ZFHX3: variants seen among roughly 807,000 people sequenced by gnomAD.
ZFHX3 encodes zinc finger homeobox 3.
Under a neutral mutation model 279.1 loss-of-function variants are expected in ZFHX3, and 42 were observed. The observed-to-expected ratio is 0.15, with a 90% CI of 0.12 to 0.19. The LOEUF is 0.19. ZFHX3 is among the 10% of genes least tolerant of loss of function. ZFHX3 has a pLI of 1.00. For missense variants in ZFHX3, 4,981 were observed against 4,754.0 expected, an observed-to-expected ratio of 1.05 and a Z score of -1.40; for synonymous variants, 2,293 against 1,957.8, an observed-to-expected ratio of 1.17 and a Z score of -4.52.
At chr16:73,077,696 G>A (rs966165181) in intron 8 of ZFHX3, among the ~76,000 whole-genome samples, 2 of 152,220 alleles carry the variant, frequency 1.3e-5, no homozygotes, top group African/African-American at 4.8e-5. Context: ...AGATTTAGGT[G>A]TTAGATTTAG....
intron 1 of ZFHX3, among the ~76,000 whole-genome samples, chr16:73,794,741 G>A (rs367682790): frequency 1.3e-5 from 2 of 152,200 alleles, no homozygotes; most frequent in Admixed American, 6.5e-5. Context: ...GCAACAGATG[G>A]GAGTCTATAA....
chr16:73,541,484 C>A (rs372693962), intron 2 of ZFHX3, among the ~76,000 whole-genome samples: 1 of 150,610 alleles, frequency 6.6e-6, no homozygotes, highest in African/African-American at 2.4e-5. Context: ...AGACTGGTCT[C>A]AAAAAAATAA....
intron 5 of ZFHX3, among the ~76,000 whole-genome samples, chr16:73,215,407 T>A (rs1163926581): frequency 1.3e-5 from 2 of 152,250 alleles, no homozygotes; most frequent in Non-Finnish European, 2.9e-5. Context: ...GCTGCAGTTT[T>A]GCCAATTCAA....
At chr16:72,978,313 G>A (rs1012877928) in intron 1 of ZFHX3, among the ~76,000 whole-genome samples, 3 of 152,196 alleles carry the variant, frequency 2.0e-5, no homozygotes, top group Admixed American at 2.0e-4. Flanking sequence ...TCACACGCCT[G>A]ATGAGATTAT....
At chr16:73,838,823 A>T (rs900465446) in intron 1 of ZFHX3, among the ~76,000 whole-genome samples, 1 of 151,882 alleles carries the variant, frequency 6.6e-6, no homozygotes, top group Non-Finnish European at 1.5e-5. Context: ...GTGTACCGCT[A>T]GGTCAGGAAT....
At position 73,445,338 on chromosome 16, in the gene ZFHX3, G is replaced by C. The variant is rs1227677950; in HGVS notation, c.-1291+10665C>G. Among the ~76,000 whole-genome samples the C allele has an allele frequency of 3.3e-5, 5 of 151,770 alleles. No individual in the cohort carries two copies. The South Asian group carries it at 8.3e-4, about 25-fold the overall frequency. On this transcript the variant is annotated intron_variant, in intron 3 of 17. Transcript: ENST00000641206. ...TGTATATGTATGGGGGGGAGAGAGA[G>C]AGAGCATCCATGGTTTTCCCAGTTT...
intron 5 of ZFHX3, among the ~76,000 whole-genome samples, chr16:73,237,945 T>C (rs1405173933): frequency 6.6e-6 from 1 of 152,176 alleles, no homozygotes; most frequent in Admixed American, 6.5e-5. Flanking sequence ...CACTCCGCTT[T>C]GCATCTCTAC....
At chr16:73,473,606 G>C (rs752476688) in intron 2 of ZFHX3, among the ~76,000 whole-genome samples, 2 of 152,118 alleles carry the variant, frequency 1.3e-5, no homozygotes, top group African/African-American at 2.4e-5. Context: ...CGTGGAATTG[G>C]GTGGGTTCCT....
intron 3 of ZFHX3, among the ~76,000 whole-genome samples, chr16:73,356,467 T>C (rs967280607): frequency 6.6e-6 from 1 of 152,046 alleles, no homozygotes; most frequent in African/African-American, 2.4e-5. Context: ...TCCAGCTTTG[T>C]CTTCAACTTG....
At chr16:73,554,157 G>A (rs920459721) in intron 2 of ZFHX3, 5 of 152,228 alleles carry the variant, frequency 3.3e-5, no homozygotes, top group South Asian at 2.1e-4. Context: ...CATATGGTGC[G>A]GTGAAATTGC....
intron 2 of ZFHX3, among the ~76,000 whole-genome samples, chr16:73,459,277 C>T (rs1335806322): frequency 6.6e-6 from 1 of 152,186 alleles, no homozygotes; most frequent in Non-Finnish European, 1.5e-5. Context: ...TTTGCCATTT[C>T]CTCTGTATTA....
intron 1 of ZFHX3, among the ~76,000 whole-genome samples, chr16:73,867,933 T>G (rs1962069577): frequency 6.6e-6 from 1 of 152,162 alleles, no homozygotes; most frequent in African/African-American, 2.4e-5. Context: ...ATGGTGAGTC[T>G]TTCATCAGAG....
At chr16:73,298,309 C>T (rs1297106349) in intron 4 of ZFHX3, among the ~76,000 whole-genome samples, 1 of 151,664 alleles carries the variant, frequency 6.6e-6, no homozygotes, top group African/African-American at 2.4e-5. Flanking sequence ...CTCAGCCTCC[C>T]GAGTAGCTGG....
At chr16:72,929,997 C>A (rs1318561253) in intron 3 of ZFHX3, among the ~76,000 whole-genome samples, 1 of 152,246 alleles carries the variant, frequency 6.6e-6, no homozygotes, top group African/African-American at 2.4e-5. Flanking sequence ...GTGGGCGGAT[C>A]ACTGGAGGTC....
At chr16:73,742,789 C>T (rs1408877102) in intron 1 of ZFHX3, among the ~76,000 whole-genome samples, 4 of 152,172 alleles carry the variant, frequency 2.6e-5, no homozygotes, top group Non-Finnish European at 5.9e-5. Context: ...TCTCATCACC[C>T]AGTGTGAGAC....
At chr16:73,629,522 AG>A (rs765446401) in intron 2 of ZFHX3, among the ~76,000 whole-genome samples, 6 of 152,184 alleles carry the variant, frequency 3.9e-5, no homozygotes, top group Non-Finnish European at 8.8e-5. Flanking sequence ...GTGTTTTCCA[AG>A]GCACCAAAGA....
intron 4 of ZFHX3, among the ~76,000 whole-genome samples, chr16:73,308,248 T>G (rs2015232037): frequency 3.4e-5 from 1 of 29,018 alleles, no homozygotes; most frequent in Admixed American, 2.8e-4. Context: ...TATATATATA[T>G]ATATATATAT....
intron 1 of ZFHX3, among the ~76,000 whole-genome samples, chr16:73,808,274 G>C (rs1357269936): frequency 6.6e-6 from 1 of 152,240 alleles, no homozygotes; most frequent in Admixed American, 6.5e-5. Flanking sequence ...AGAAATAAAT[G>C]TTGTAGGGAG....
intron 2 of ZFHX3, among the ~76,000 whole-genome samples, chr16:73,505,857 G>T (rs138940899): frequency 1.6e-4 from 25 of 152,350 alleles, no homozygotes; most frequent in Middle Eastern, 3.4e-3. Context: ...ATGTGAATAG[G>T]CTCATGAGAG....
Sources: gnomAD v4.1 joint callset for allele counts (sites outside exome capture counted in the v4.1 genomes callset) on GRCh38, gnomAD v4.1.1 for gene constraint, MANE v1.5 for transcripts, NCBI Gene and HGNC (gene_info 2026-07-23, HGNC 2026-07-21) for gene names.